The following TSHZ2 variants were observed in gnomAD, a reference collection of about 807,000 sequenced individuals.
TSHZ2 encodes teashirt zinc finger homeobox 2.
Under a neutral mutation model 74.4 loss-of-function variants are expected in TSHZ2, and 21 were observed. The ratio of observed to expected loss-of-function variants is 0.28; its 90% CI spans 0.20 to 0.41. The LOEUF is 0.41. Among genes scored for constraint, TSHZ2 ranks in the 10% least tolerant of loss-of-function variants. The pLI is 1.00. For missense variants in TSHZ2, 1,244 were observed against 1,293.5 expected (o/e 0.96, Z 0.59); for synonymous variants, 540 against 515.3 (o/e 1.05, Z -0.65).
intron 2 of TSHZ2, among the ~76,000 whole-genome samples, chr20:53,351,716 A>G (rs573201222): frequency 1.3e-5 from 2 of 152,250 alleles, no homozygotes; most frequent in Admixed American, 6.5e-5. Flanking sequence ...AGAGATGACC[A>G]TATCACACGA....
intron 1 of TSHZ2, among the ~76,000 whole-genome samples, chr20:53,154,518 C>T (rs950570137): frequency 1.3e-5 from 2 of 152,144 alleles, no homozygotes; most frequent in African/African-American, 4.8e-5. Context: ...GTTGAAGGAT[C>T]CAAACAGTGT....
At chr20:52,997,277 T>C (rs1024838531) in intron 1 of TSHZ2, among the ~76,000 whole-genome samples, 2 of 151,490 alleles carry the variant, frequency 1.3e-5, no homozygotes, top group Admixed American at 6.6e-5. Context: ...GGTTCAGCAC[T>C]GTCCTGCTCT....
chr20:53,045,429 C>T (rs1489781681), intron 1 of TSHZ2, among the ~76,000 whole-genome samples: 1 of 152,208 alleles, frequency 6.6e-6, no homozygotes, highest in African/African-American at 2.4e-5. Flanking sequence ...ATGTGCACAT[C>T]TGAATTCCTG....
At chr20:53,463,534 A>T (rs775264574) in intron 2 of TSHZ2, among the ~76,000 whole-genome samples, 4 of 152,104 alleles carry the variant, frequency 2.6e-5, no homozygotes, top group Non-Finnish European at 5.9e-5. Flanking sequence ...TATAGAAGTT[A>T]TGTGTTCTAC....
intron 2 of TSHZ2, among the ~76,000 whole-genome samples, chr20:53,331,737 A>AAATATAT (rs11474548): frequency 2.0e-5 from 3 of 151,158 alleles, no homozygotes; most frequent in African/African-American, 4.9e-5. Flanking sequence ...CAGATTAGGA[A>AAATATAT]AAGGGTTATG....
chr20:52,978,957 A>T (rs1981455843), intron 1 of TSHZ2, among the ~76,000 whole-genome samples: 1 of 150,160 alleles, frequency 6.7e-6, no homozygotes, highest in East Asian at 1.9e-4. Flanking sequence ...GGTATTTTTA[A>T]TTTTTTTTTT....
At chr20:53,369,699 A>G (rs1005351772) in intron 2 of TSHZ2, among the ~76,000 whole-genome samples, 5 of 152,050 alleles carry the variant, frequency 3.3e-5, no homozygotes, top group Non-Finnish European at 1.5e-5. Flanking sequence ...TGACAGAGCG[A>G]GACTCTGTCT....
At chr20:53,356,644 C>G (rs958277583) in intron 2 of TSHZ2, among the ~76,000 whole-genome samples, 1 of 152,038 alleles carries the variant, frequency 6.6e-6, no homozygotes, top group Non-Finnish European at 1.5e-5. Flanking sequence ...AGAGGCAAAC[C>G]CTTAGAATTA....
intron 1 of TSHZ2, among the ~76,000 whole-genome samples, chr20:53,008,952 G>A (rs911183376): frequency 6.8e-6 from 1 of 147,720 alleles, no homozygotes; most frequent in African/African-American, 2.5e-5. Context: ...ATATACTCTA[G>A]TAGAAGTTAT....
At chr20:53,433,177 A>G (rs1001491056) in intron 2 of TSHZ2, among the ~76,000 whole-genome samples, 3 of 152,216 alleles carry the variant, frequency 2.0e-5, no homozygotes, top group Non-Finnish European at 4.4e-5. Context: ...GCTGTGACAT[A>G]TTTAACTGGG....
At chr20:53,096,915 CAAA>C (rs1301956911) in intron 1 of TSHZ2, among the ~76,000 whole-genome samples, 2 of 148,390 alleles carry the variant, frequency 1.3e-5, no homozygotes, top group Admixed American at 6.6e-5. Context: ...CCAAAAAAAA[CAAA>C]AAACAAAACA....
At chr20:53,075,537 A>G (rs1985339613) in intron 1 of TSHZ2, among the ~76,000 whole-genome samples, 1 of 152,186 alleles carries the variant, frequency 6.6e-6, no homozygotes, top group African/African-American at 2.4e-5. Context: ...TCTGATACTA[A>G]CCTTGGCAAA....
rs527318564 is a variant in TSHZ2, at chr20:53,036,853, GTAGA to G, written c.40+63525_40+63528del. Reference sequence around the variant, plus strand: ...CACATAAACTTTATATTATATATGTGTAGATAGACATCTCTTTAATGGAATCATA... The same window carrying G: ...CACATAAACTTTATATTATATATGTGTAGACATCTCTTTAATGGAATCATA... On this transcript the variant is annotated intron_variant, in intron 1 of 2. Coordinates refer to ENST00000371497, the MANE Select transcript of TSHZ2 (RefSeq NM_173485.6). Among the ~76,000 whole-genome samples the G allele has an allele frequency of 5.8e-3, 870 of 149,808 alleles. 3 individuals carry two copies. Among genetic ancestry groups the G allele is most frequent in the Non-Finnish European group, 8.9e-3 (604 of 67,524 alleles).
At chr20:53,016,144 G>A (rs1286866521) in intron 1 of TSHZ2, among the ~76,000 whole-genome samples, 1 of 152,118 alleles carries the variant, frequency 6.6e-6, no homozygotes, top group Non-Finnish European at 1.5e-5. Context: ...TTATCTAGGT[G>A]TGCTTAATAA....
rs118104434 is a variant in TSHZ2 at position 53,489,179 on chromosome 20, G to T, written c.*2044G>T. ...TTTACTCATGGGCATAGGGAATAGC[G>T]GCTCAAATGTAGTTCTGACATGAAA... is the stretch of plus-strand genomic sequence containing the variant. On this transcript the variant is annotated 3_prime_UTR_variant, in exon 3 of 3. Transcript: ENST00000371497. 1.1e-5 allele frequency: 5 copies of T among 456,086 alleles called. No homozygotes were observed. The Admixed American group carries it at 1.2e-4, about 11-fold the overall frequency. 28.3% of individuals were successfully genotyped at this position (456,086 alleles called of 1,614,324 possible).
intron 2 of TSHZ2, among the ~76,000 whole-genome samples, chr20:53,472,414 T>C (rs1402777769): frequency 1.3e-5 from 2 of 152,118 alleles, no homozygotes; most frequent in East Asian, 3.9e-4. Context: ...AGTTGAGTCA[T>C]ATGAGTTCCA....
At chr20:53,246,755 C>T (rs1990215706) in intron 1 of TSHZ2, among the ~76,000 whole-genome samples, 1 of 152,150 alleles carries the variant, frequency 6.6e-6, no homozygotes, top group Non-Finnish European at 1.5e-5. Context: ...ACTAGCTTAG[C>T]CGTTTTTTTG....
chr20:53,257,913 G>A (rs546003069), intron 2 of TSHZ2, among the ~76,000 whole-genome samples: 2 of 152,350 alleles, frequency 1.3e-5, no homozygotes, highest in East Asian at 3.9e-4. Context: ...AAGCTAGAAA[G>A]GTAGGACACT....
intron 1 of TSHZ2, among the ~76,000 whole-genome samples, chr20:52,977,833 G>A (rs1981403983): frequency 6.6e-6 from 1 of 152,168 alleles, no homozygotes; most frequent in African/African-American, 2.4e-5. Flanking sequence ...GGGAGCAGGG[G>A]CTCCGGGAAA....
Sources: allele counts gnomAD v4.1 joint callset (sites outside exome capture counted in the v4.1 genomes callset), GRCh38; gene constraint gnomAD v4.1.1; transcripts MANE v1.5; gene names NCBI Gene and HGNC (gene_info 2026-07-23, HGNC 2026-07-21).